The following ARHGAP32 variants were observed in gnomAD, a reference collection of about 807,000 sequenced individuals.
The protein encoded by ARHGAP32 is rho GTPase-activating protein 32.
In ARHGAP32, 51 loss-of-function variants were observed where a neutral mutation model predicts 186.5. That is an observed-to-expected ratio of 0.27 (90% CI 0.22 to 0.35). The LOEUF is 0.35. Among genes scored for constraint, ARHGAP32 ranks in the 10% least tolerant of loss-of-function variants. The probability of loss-of-function intolerance (pLI) is 1.00; values close to 1 mark genes in which losing one functional copy is unlikely to be tolerated. For missense variants in ARHGAP32, 2,186 were observed against 2,623.5 expected, an observed-to-expected ratio of 0.83 and a Z score of 3.64; for synonymous variants, 950 against 964.3, an observed-to-expected ratio of 0.99 and a Z score of 0.27.
intron 6 of ARHGAP32, among the ~76,000 whole-genome samples, chr11:129,077,259 C>T (rs1003062837): frequency 1.3e-5 from 2 of 152,042 alleles, no homozygotes; most frequent in African/African-American, 4.8e-5. Context: ...TTTGATGAAG[C>T]GCAAATTTTC....
intron 11 of ARHGAP32, among the ~76,000 whole-genome samples, chr11:129,002,482 A>G (rs887542317): frequency 6.6e-5 from 10 of 152,158 alleles, no homozygotes; most frequent in Admixed American, 2.6e-4. Context: ...CAGTTCAAAT[A>G]GTTTTTTGGT....
chr11:129,061,548 C>T (rs895541977), intron 10 of ARHGAP32, among the ~76,000 whole-genome samples: 26 of 152,128 alleles, frequency 1.7e-4, no homozygotes, highest in Non-Finnish European at 2.8e-4. Context: ...ATTACTTGAA[C>T]ACAGCACCTT....
chr11:129,191,679 C>CACAT (rs1311282244), intron 1 of ARHGAP32, among the ~76,000 whole-genome samples: 1 of 151,678 alleles, frequency 6.6e-6, no homozygotes, highest in Non-Finnish European at 1.5e-5. Context: ...CGCACACACA[C>CACAT]ACACACACAC....
intron 6 of ARHGAP32, among the ~76,000 whole-genome samples, chr11:129,082,916 T>A (rs1476330850): frequency 2.7e-5 from 4 of 150,920 alleles, no homozygotes; most frequent in Admixed American, 6.6e-5. Context: ...CAACAACAAA[T>A]AATTCCACCA....
At chr11:129,068,747 T>C (rs1353593192) in intron 6 of ARHGAP32, among the ~76,000 whole-genome samples, 4 of 152,092 alleles carry the variant, frequency 2.6e-5, no homozygotes, top group Non-Finnish European at 5.9e-5. Context: ...ACAATGACTT[T>C]TATGTATTGA....
intron 2 of ARHGAP32, among the ~76,000 whole-genome samples, chr11:129,146,388 T>G (rs1461678459): frequency 6.6e-6 from 1 of 152,138 alleles, no homozygotes; most frequent in Non-Finnish European, 1.5e-5. Flanking sequence ...TTATGCTCTG[T>G]CTTGGCCAGG....
intron 10 of ARHGAP32, among the ~76,000 whole-genome samples, chr11:129,043,311 T>C (rs1200175555): frequency 6.6e-6 from 1 of 152,102 alleles, no homozygotes; most frequent in African/African-American, 2.4e-5. Flanking sequence ...TTGAATTATG[T>C]TCAAGCTTTG....
chr11:129,277,158 G>A (rs1308665007), intron 1 of ARHGAP32, among the ~76,000 whole-genome samples: 1 of 152,128 alleles, frequency 6.6e-6, no homozygotes, highest in East Asian at 1.9e-4. Context: ...ACTCAGGTCA[G>A]CTTGGGAAGG....
chr11:129,044,755 G>A (rs1023955779), intron 10 of ARHGAP32, among the ~76,000 whole-genome samples: 13 of 152,200 alleles, frequency 8.5e-5, no homozygotes, highest in African/African-American at 3.1e-4. Flanking sequence ...ACTAGGTTCT[G>A]TGATCTATGG....
intron 12 of ARHGAP32, among the ~76,000 whole-genome samples, chr11:128,989,698 T>C (rs374990295): frequency 2.0e-5 from 3 of 152,088 alleles, no homozygotes; most frequent in African/African-American, 7.2e-5. Context: ...CTCCTAATGT[T>C]ATCCCTCCCC....
intron 1 of ARHGAP32, among the ~76,000 whole-genome samples, chr11:129,236,202 TCC>T (rs767605348): frequency 9.2e-5 from 14 of 152,184 alleles, no homozygotes; most frequent in Non-Finnish European, 1.5e-4. Flanking sequence ...GTAAAACTGT[TCC>T]CTTTTCACTG....
At chr11:129,198,493 T>C (rs1028388989) in intron 1 of ARHGAP32, among the ~76,000 whole-genome samples, 3 of 152,304 alleles carry the variant, frequency 2.0e-5, no homozygotes, top group Admixed American at 2.0e-4. Context: ...ACTGTTCTCA[T>C]GCTAGTGAAT....
At chr11:129,147,551 G>A (rs921655993) in intron 2 of ARHGAP32, among the ~76,000 whole-genome samples, 2 of 152,154 alleles carry the variant, frequency 1.3e-5, no homozygotes, top group African/African-American at 4.8e-5. Context: ...TTTTGATTCA[G>A]CTATTTTACA....
At chr11:129,024,116 A>G in intron 11 of ARHGAP32, 6 of 985,446 alleles carry the variant, frequency 6.1e-6, no homozygotes, top group Non-Finnish European at 7.2e-6. Context: ...CAGTCAGTGG[A>G]GCCCAGCAAG....
At chr11:129,235,052 C>T (rs1204691101) in intron 1 of ARHGAP32, among the ~76,000 whole-genome samples, 6 of 152,174 alleles carry the variant, frequency 3.9e-5, no homozygotes, top group Non-Finnish European at 8.8e-5. Flanking sequence ...TCTTGCATTT[C>T]AGGTGGGCTC....
intron 19 of ARHGAP32, among the ~76,000 whole-genome samples, chr11:128,977,268 A>G (rs1313817416): frequency 6.6e-6 from 1 of 152,222 alleles, no homozygotes; most frequent in Non-Finnish European, 1.5e-5. Flanking sequence ...TGGGATACTA[A>G]CACAGGTAAC....
At chr11:129,108,317 G>A (rs1041739644) in intron 5 of ARHGAP32, among the ~76,000 whole-genome samples, 5 of 152,086 alleles carry the variant, frequency 3.3e-5, no homozygotes, top group Non-Finnish European at 7.4e-5. Flanking sequence ...ACTATATTCC[G>A]TGTAGATGAC....
At chr11:129,136,680 C>A (rs1387027324) in intron 2 of ARHGAP32, among the ~76,000 whole-genome samples, 1 of 151,688 alleles carries the variant, frequency 6.6e-6, no homozygotes, top group African/African-American at 2.4e-5. Context: ...TTCAAGAATG[C>A]AAAGATGGCT....
chr11:129,274,670 T>C (rs993835197), intron 1 of ARHGAP32, among the ~76,000 whole-genome samples: 1 of 152,130 alleles, frequency 6.6e-6, no homozygotes, highest in Non-Finnish European at 1.5e-5. Flanking sequence ...ACCAAATTTC[T>C]CAACTGTAAG....
Sources: allele counts gnomAD v4.1 joint callset (sites outside exome capture counted in the v4.1 genomes callset), GRCh38; gene constraint gnomAD v4.1.1; transcripts MANE v1.5; gene names NCBI Gene and HGNC (gene_info 2026-07-23, HGNC 2026-07-21).